RTN1: variants seen among roughly 807,000 people sequenced by gnomAD.
RTN1 encodes the protein reticulon 1.
RTN1 carries 25 observed loss-of-function variants against 65.5 expected under a neutral mutation model. The observed-to-expected ratio is 0.38, with a 90% confidence interval of 0.28 to 0.53. RTN1 has a LOEUF of 0.53. RTN1 is among the 20% of genes least tolerant of loss of function. The pLI is 0.79. For synonymous variants in RTN1, 471 were observed against 447.6 expected (o/e 1.05, Z -0.66); for missense variants, 983 against 1,025.4 (o/e 0.96, Z 0.57).
At chr14:59,701,719 G>C (rs1884182451) in intron 3 of RTN1, among the ~76,000 whole-genome samples, 1 of 152,028 alleles carries the variant, frequency 6.6e-6, no homozygotes, top group African/African-American at 2.4e-5. Context: ...AGGGGCATGG[G>C]GTTTCTTTTT....
rs537173601 is a variant in RTN1 at position 59,688,448 on chromosome 14, C to T, written c.1765+38471G>A. 2.0e-5 allele frequency among the ~76,000 whole-genome samples: 3 copies of T among 152,326 alleles called. No homozygotes were observed. The South Asian group carries it at 6.2e-4, about 32-fold the overall frequency. On this transcript the variant is annotated intron_variant, in intron 3 of 8. Coordinates refer to ENST00000267484, the MANE Select transcript of RTN1 (RefSeq NM_021136.3). Reference sequence around the variant, plus strand: ...GCCATCAGAGGGCCTGTAAAGCCTGCCTAGTCCAACCCCACCCATTTGCCA... The same window carrying T: ...GCCATCAGAGGGCCTGTAAAGCCTGTCTAGTCCAACCCCACCCATTTGCCA...
chr14:59,733,209 A>G (rs950545025), intron 2 of RTN1, among the ~76,000 whole-genome samples: 1 of 151,832 alleles, frequency 6.6e-6, no homozygotes, highest in African/African-American at 2.4e-5. Flanking sequence ...CTCCTGCTTC[A>G]GACTCCAGAG....
Position 59,868,200 on chromosome 14 carries a change from C to T in RTN1, c.241+2190G>A, listed in dbSNP as rs1405570890. Among the ~76,000 whole-genome samples, 1 of 152,142 alleles carries T rather than the reference C, an allele frequency of 6.6e-6. No individual in the cohort carries two copies. The highest frequency in any genetic ancestry group is 2.4e-5 in the African/African-American group (1 of 41,422). On this transcript the variant is annotated intron_variant, in intron 1 of 8. Coordinates refer to ENST00000267484, the MANE Select transcript of RTN1 (RefSeq NM_021136.3). The surrounding 1 kb of genome is among the most constrained non-coding windows in gnomAD (Gnocchi z 4.0). ...GGCGTTTGAGTCTCTTATAGCAGCACATCCGGTCTACTTAATAAGAAACAC... is the reference window on the plus strand; with the variant it reads ...GGCGTTTGAGTCTCTTATAGCAGCATATCCGGTCTACTTAATAAGAAACAC...
rs150780742 is a variant in RTN1, at chr14:59,674,914, T to C, written c.1765+52005A>G. On this transcript the variant is annotated intron_variant, in intron 3 of 8. Transcript: ENST00000267484. ...ACTCCTCACCTAAAATTAGGGGAAA[T>C]TGATATCTCAATTTATTCAAAAATA... Among the ~76,000 whole-genome samples, 79 of 152,176 alleles carry C rather than the reference T, an allele frequency of 5.2e-4. No individual in the cohort carries two copies. The South Asian group carries it at 8.1e-3, about 16-fold the overall frequency.
At chr14:59,653,404 A>G (rs1883058942) in intron 3 of RTN1, among the ~76,000 whole-genome samples, 1 of 152,194 alleles carries the variant, frequency 6.6e-6, no homozygotes, top group Non-Finnish European at 1.5e-5. Flanking sequence ...TTCTAAAGAA[A>G]ATCTTTCAAG....
At chr14:59,760,038 C>G (rs1885718070) in intron 1 of RTN1, among the ~76,000 whole-genome samples, 1 of 151,802 alleles carries the variant, frequency 6.6e-6, no homozygotes. Context: ...TGCACATGTA[C>G]AAAATGAATA....
intron 3 of RTN1, among the ~76,000 whole-genome samples, chr14:59,625,074 A>C (rs1882356878): frequency 6.6e-6 from 1 of 152,202 alleles, no homozygotes; most frequent in African/African-American, 2.4e-5. Context: ...TTATCATTTC[A>C]AATATAAGGG....
intron 3 of RTN1, among the ~76,000 whole-genome samples, chr14:59,622,122 G>A (rs931469046): frequency 7.2e-5 from 11 of 152,090 alleles, no homozygotes; most frequent in African/African-American, 2.7e-4. Flanking sequence ...GATCATCTGA[G>A]GTCAAGAGTT....
At chr14:59,787,835 CT>C (rs1886279154) in intron 1 of RTN1, among the ~76,000 whole-genome samples, 4 of 152,142 alleles carry the variant, frequency 2.6e-5, no homozygotes, top group Admixed American at 6.6e-5. Context: ...GTTCCTCTCC[CT>C]TCCGAGTCCC....
chr14:59,728,084 A>T (rs1026767247), intron 2 of RTN1, among the ~76,000 whole-genome samples: 4 of 152,150 alleles, frequency 2.6e-5, no homozygotes, highest in African/African-American at 9.7e-5. Context: ...TCTGATGTAT[A>T]CAGCACTCTA....
chr14:59,724,676 C>T (rs749533538), intron 3 of RTN1, among the ~76,000 whole-genome samples: 3 of 151,286 alleles, frequency 2.0e-5, no homozygotes, highest in South Asian at 2.1e-4. Context: ...GCCAAGATCA[C>T]GCCATTGCAC....
intron 1 of RTN1, among the ~76,000 whole-genome samples, chr14:59,782,775 T>C (rs561900389): frequency 4.2e-4 from 64 of 152,372 alleles, no homozygotes; most frequent in African/African-American, 1.5e-3. Flanking sequence ...CCAACATTTT[T>C]TTCAGGTAGC....
At chr14:59,637,884 A>G (rs960944185) in intron 3 of RTN1, among the ~76,000 whole-genome samples, 1 of 150,366 alleles carries the variant, frequency 6.7e-6, no homozygotes, top group African/African-American at 2.4e-5. Context: ...ATGGAGTTTC[A>G]CTCGTCTCCC....
At chr14:59,747,483 C>T (rs1209177065) in intron 1 of RTN1, among the ~76,000 whole-genome samples, 7 of 152,160 alleles carry the variant, frequency 4.6e-5, no homozygotes, top group Non-Finnish European at 1.0e-4. Flanking sequence ...TTGGCGCATG[C>T]CTGTAATCCC....
In RTN1 at chr14:59,745,822, G is replaced by A; in HGVS notation, c.901C>T (p.Pro301Ser). 6.2e-7 allele frequency: 1 copy of A among 1,614,028 alleles called. No homozygotes were observed. Among genetic ancestry groups the A allele is most frequent in the African/African-American group, 1.3e-5 (1 of 74,970 alleles). Residue 301 changes from proline (P) to serine (S), a missense_variant, in exon 2 of 9, where the codon CCT (proline) becomes TCT (serine). This residue lies in a region of RTN1 where 818 missense variants were observed against 801.8 expected (regional missense o/e 1.02). Transcript: ENST00000267484. ...TTTAGACATATATCTTGCTTCTCAG[G>A]GGTCTTCTCTTGGGTAGTGGTTTCA... The part of the protein sequence containing the change: ...SVETTTQEKT[P>S]EKQDICLKPS...
At chr14:59,691,594 T>A (rs1205073563) in intron 3 of RTN1, among the ~76,000 whole-genome samples, 1 of 151,854 alleles carries the variant, frequency 6.6e-6, no homozygotes, top group Non-Finnish European at 1.5e-5. Context: ...AAAGACACCA[T>A]CACCCTGATA....
intron 1 of RTN1, among the ~76,000 whole-genome samples, chr14:59,817,205 G>A (rs995135886): frequency 6.6e-6 from 1 of 151,996 alleles, no homozygotes; most frequent in Non-Finnish European, 1.5e-5. Flanking sequence ...AGTCTAGTGG[G>A]GGAAATAACA....
rs1445772334 is a variant in RTN1, at chr14:59,728,911, C to CAA, written c.1016-1244_1016-1243insTT. On this transcript the variant is annotated intron_variant, in intron 2 of 8. Transcript: ENST00000267484. ...TCTGCTTATACTCTAGTGGAGGGAA[C>CAA]ACAATATACAAACAATATATATAGT... Among the ~76,000 whole-genome samples, 3 of 151,852 alleles carry CAA rather than the reference C, an allele frequency of 2.0e-5. No homozygotes were observed. The East Asian group carries it at 5.8e-4, about 29-fold the overall frequency.
intron 3 of RTN1, among the ~76,000 whole-genome samples, chr14:59,712,759 A>G (rs1275963265): frequency 4.6e-5 from 7 of 152,158 alleles, no homozygotes; most frequent in African/African-American, 1.7e-4. Context: ...TAAAAATACA[A>G]AATTAGCTGG....
Sources: gnomAD v4.1 joint callset for allele counts (sites outside exome capture counted in the v4.1 genomes callset) on GRCh38, gnomAD v4.1.1 for gene constraint, gnomAD v4.1.1 regional missense constraint, Gnocchi (gnomAD v3.1) non-coding constraint, MANE v1.5 for transcripts, NCBI Gene and HGNC (gene_info 2026-07-23, HGNC 2026-07-21) for gene names.